The following MYZAP variants were observed in gnomAD, a reference collection of about 807,000 sequenced individuals.
MYZAP encodes the protein GRINL1A complex locus upstream.
In MYZAP, 66 loss-of-function variants were observed where a neutral mutation model predicts 69.4. The observed-to-expected ratio is 0.95, with a 90% confidence interval of 0.78 to 1.17. MYZAP has a LOEUF of 1.17. MYZAP is among the 50% of genes most tolerant of loss of function. MYZAP has a pLI of 0.00. For missense variants in MYZAP, 611 were observed against 556.2 expected, an observed-to-expected ratio of 1.10 and a Z score of -0.99; for synonymous variants, 256 against 205.9, an observed-to-expected ratio of 1.24 and a Z score of -2.09.
chr15:57,601,596 A>G (rs2034416958), intron 1 of MYZAP, among the ~76,000 whole-genome samples: 1 of 151,998 alleles, frequency 6.6e-6, no homozygotes, highest in Admixed American at 6.6e-5. Flanking sequence ...AACATGACTG[A>G]CGGTGAGCTT....
At chr15:57,620,382 A>T (rs1431110382) in intron 3 of MYZAP, among the ~76,000 whole-genome samples, 1 of 152,180 alleles carries the variant, frequency 6.6e-6, no homozygotes, top group Non-Finnish European at 1.5e-5. Context: ...GGCCCTTCCT[A>T]AAACAGAAAT....
At chr15:57,654,799 A>G (rs1248476100) in intron 10 of MYZAP, among the ~76,000 whole-genome samples, 1 of 152,174 alleles carries the variant, frequency 6.6e-6, no homozygotes, top group African/African-American at 2.4e-5. Context: ...TGAATCCATA[A>G]CAGAACCATA....
chr15:57,640,843 A>C (rs1233921122), intron 10 of MYZAP, among the ~76,000 whole-genome samples: 1 of 152,232 alleles, frequency 6.6e-6, no homozygotes, highest in Non-Finnish European at 1.5e-5. Flanking sequence ...CCACGCACGC[A>C]TCTTTGCAAT....
intron 10 of MYZAP, chr15:57,647,542 A>G: frequency 1.0e-6 from 1 of 985,486 alleles, no homozygotes; most frequent in Non-Finnish European, 1.2e-6. Context: ...TAGAGAAAAC[A>G]GGTCACCCAT....
chr15:57,666,025 A>G (rs2038552884), intron 11 of MYZAP, among the ~76,000 whole-genome samples: 1 of 152,224 alleles, frequency 6.6e-6, no homozygotes, highest in South Asian at 2.1e-4. Flanking sequence ...TTATGATTAA[A>G]TAATAGATAC....
At chr15:57,630,670 T>C (rs2036449858) in intron 6 of MYZAP, among the ~76,000 whole-genome samples, 1 of 152,180 alleles carries the variant, frequency 6.6e-6, no homozygotes, top group Non-Finnish European at 1.5e-5. Context: ...CTCCCAAATT[T>C]AAACTGTGGA....
chr15:57,683,506 A>G (rs998573488), intron 12 of MYZAP, among the ~76,000 whole-genome samples: 2 of 152,164 alleles, frequency 1.3e-5, no homozygotes, highest in Non-Finnish European at 1.5e-5. Flanking sequence ...TGCATGTTTC[A>G]TATTTTTCTG....
intron 5 of MYZAP, among the ~76,000 whole-genome samples, chr15:57,626,926 A>T (rs1365546252): frequency 4.6e-5 from 7 of 151,842 alleles, no homozygotes; most frequent in Non-Finnish European, 1.5e-5. Flanking sequence ...GGCTCTCTTG[A>T]GTGTATGCCA....
At chr15:57,639,288 C>A (rs1567222003) in intron 9 of MYZAP, 152 bp from the exon 10 acceptor site, 1 of 740,046 alleles carries the variant, frequency 1.4e-6, no homozygotes, top group Non-Finnish European at 2.1e-6. Context: ...CTCAAGCAGT[C>A]CTCCTGCCTT....
rs1392774323 is a variant in MYZAP, at chr15:57,596,703, G to C, written c.75+4594G>C. Among the ~76,000 whole-genome samples the C allele has an allele frequency of 2.6e-5, 4 of 152,194 alleles. No individual in the cohort carries two copies. In the East Asian group the frequency reaches 7.7e-4, roughly 29 times the overall value. On this transcript the variant is annotated intron_variant, in intron 1 of 12. Transcript: ENST00000267853. Reference sequence around the variant, plus strand: ...TGTAGCATCCAGGCCCTCTGGTTTGGCCCGTGCCTGTGCTGTTTCCCCTCC... The same window carrying C: ...TGTAGCATCCAGGCCCTCTGGTTTGCCCCGTGCCTGTGCTGTTTCCCCTCC...
At position 57,625,054 on chromosome 15, in the gene MYZAP, T is replaced by C. The variant is rs187409953; in HGVS notation, c.412-725T>C. Among the ~76,000 whole-genome samples, 589 of 148,270 alleles carry C rather than the reference T, an allele frequency of 4.0e-3. 1 individual carries two copies. The highest frequency in any genetic ancestry group is 6.9e-3 in the Non-Finnish European group (462 of 67,418). On this transcript the variant is annotated intron_variant, in intron 4 of 12. Transcript: ENST00000267853. ...GCAACAACAGCAGCAACAAAACAAC[T>C]CTTTTTTTTTTTTTTTAAATGAGAC...
rs112322135 is a variant in MYZAP at position 57,604,478 on chromosome 15, C to T, written c.162+123C>T. On this transcript the variant is annotated intron_variant, in intron 2 of 12. Transcript: ENST00000267853. ...GTCTGCACCTCTGTTGAGGAGAAGG[C>T]CCTCTCAACCTTCCCACCTCATCTC... The T allele has an allele frequency of 4.4e-3, 4,304 of 970,216 alleles. 103 individuals are homozygous for T. The African/African-American group carries it at 0.053, about 12-fold the overall frequency. 60.1% of individuals were successfully genotyped at this position (970,216 alleles called of 1,614,324 possible). A position where few individuals can be genotyped will look rare whatever the true frequency, so the allele number is the denominator to read the frequency against.
rs868806016 is a variant in MYZAP at position 57,674,974 on chromosome 15, G to A, written c.1210G>A (p.Glu404Lys). 4 of 1,611,332 alleles carry A rather than the reference G, an allele frequency of 2.5e-6. No homozygotes were observed. Among genetic ancestry groups the A allele is most frequent in the Non-Finnish European group, 3.4e-6 (4 of 1,178,878 alleles). The change falls in exon 12 of 13, where the codon GAA (glutamate) becomes AAA (lysine). Residue 404 changes from glutamate (E) to lysine (K), a missense_variant. Physicochemically the swap from Glu to Lys is moderately conservative, Grantham distance 56. Coordinates refer to ENST00000267853, the MANE Select transcript of MYZAP (RefSeq NM_001018100.5). ...CTTTTTTTCTCATCTCCAGAATAATGAACTACAAAGCAGGTTGGACTATTT... is the reference window on the plus strand; with the variant it reads ...CTTTTTTTCTCATCTCCAGAATAATAAACTACAAAGCAGGTTGGACTATTT... ...KISFLEGENN[E>K]LQSRLDYLTE...
intron 1 of MYZAP, among the ~76,000 whole-genome samples, chr15:57,594,434 T>G (rs1414381383): frequency 1.3e-5 from 2 of 152,208 alleles, no homozygotes; most frequent in Admixed American, 1.3e-4. Flanking sequence ...ATGTTTGAGT[T>G]TAATCTTGCA....
At chr15:57,678,725 C>G (rs1374999698) in intron 12 of MYZAP, among the ~76,000 whole-genome samples, 1 of 152,062 alleles carries the variant, frequency 6.6e-6, no homozygotes, top group African/African-American at 2.4e-5. Flanking sequence ...TGAGAGTGGC[C>G]CCTGCGTGCT....
At chr15:57,644,166 G>C (rs746768140) in intron 10 of MYZAP, among the ~76,000 whole-genome samples, 1 of 152,200 alleles carries the variant, frequency 6.6e-6, no homozygotes, top group Non-Finnish European at 1.5e-5. Context: ...CGCTGTCCCG[G>C]ATTCTCAGAG....
chr15:57,660,333 C>T (rs1487780817), intron 10 of MYZAP, among the ~76,000 whole-genome samples: 1 of 152,118 alleles, frequency 6.6e-6, no homozygotes, highest in East Asian at 1.9e-4. Context: ...GTTTTGTTTT[C>T]AGACAGGGTC....
chr15:57,681,982 C>A (rs1481267365), intron 12 of MYZAP, among the ~76,000 whole-genome samples: 3 of 152,026 alleles, frequency 2.0e-5, no homozygotes, highest in African/African-American at 7.3e-5. Context: ...GAAAGGGATT[C>A]GACTCTTAGG....
At chr15:57,666,804 G>A (rs2038593492) in intron 11 of MYZAP, among the ~76,000 whole-genome samples, 1 of 152,022 alleles carries the variant, frequency 6.6e-6, no homozygotes, top group African/African-American at 2.4e-5. Flanking sequence ...CTGCACATGT[G>A]CCCTCTGATT....
Sources: allele counts gnomAD v4.1 joint callset (sites outside exome capture counted in the v4.1 genomes callset), GRCh38; gene constraint gnomAD v4.1.1; transcripts MANE v1.5; gene names NCBI Gene and HGNC (gene_info 2026-07-23, HGNC 2026-07-21).